Variants in RANBP3L observed in about 807,000 individuals in gnomAD.
RANBP3L encodes the protein RAN binding protein 3 like, also known as ran-binding protein 3-like.
In RANBP3L, 56 loss-of-function variants were observed where a neutral mutation model predicts 67.2. That is an observed-to-expected ratio of 0.83 (90% CI 0.67 to 1.04). The LOEUF (loss-of-function observed/expected upper bound fraction) is 1.04. RANBP3L is among the 50% of genes least tolerant of loss of function. RANBP3L has a pLI of 0.00. For missense variants in RANBP3L, 496 were observed against 535.5 expected, an observed-to-expected ratio of 0.93 and a Z score of 0.73; for synonymous variants, 164 against 181.4, an observed-to-expected ratio of 0.90 and a Z score of 0.77.
chr5:36,251,915 A>G (rs1748623027), intron 12 of RANBP3L, among the ~76,000 whole-genome samples: 1 of 152,110 alleles, frequency 6.6e-6, no homozygotes, highest in Non-Finnish European at 1.5e-5. Flanking sequence ...GGATATGCTG[A>G]GCTCATTAGA....
chr5:36,249,674 G>T lies in RANBP3L; in HGVS notation c.1378C>A (p.Gln460Lys). ...GSDPSSWTHRQSVACS is the reference protein window; with the variant it reads ...GSDPSSWTHRKSVACS ...AGTATTCATGAACAGGCAACCGACT[G>T]TCTGTGAGTCCAACTAGAAGGATCT... Residue 460 changes from glutamine (Q) to lysine (K), a missense_variant, in exon 14 of 14, where the codon CAG (glutamine) becomes AAG (lysine). Transcript: ENST00000296604. 6.4e-7 allele frequency: 1 copy of T among 1,557,320 alleles called. No individual in the cohort carries two copies. The highest frequency in any genetic ancestry group is 8.8e-7 in the Non-Finnish European group (1 of 1,139,470).
In RANBP3L at chr5:36,301,461, C is replaced by T; in HGVS notation, c.-45G>A. ...TGACTCAAGGATCACTAGGGCACCT[C>T]CTTCTCTGGCCAGTCACCTAAAGTG... On this transcript the variant is annotated 5_prime_UTR_variant, in exon 1 of 14. Transcript: ENST00000296604. 1 of 1,454,302 alleles carries T rather than the reference C, an allele frequency of 6.9e-7. No individual in the cohort carries two copies. The highest frequency in any genetic ancestry group is 9.6e-7 in the Non-Finnish European group (1 of 1,039,910). The allele number at this position is 1,454,302 out of a possible 1,614,324, so 90.1% of individuals were successfully genotyped here.
intron 6 of RANBP3L, among the ~76,000 whole-genome samples, chr5:36,262,519 T>A (rs914925551): frequency 6.6e-6 from 1 of 152,162 alleles, no homozygotes; most frequent in African/African-American, 2.4e-5. Flanking sequence ...TAGTAACTTA[T>A]CCAGTTACTT....
rs368622484 is a variant in RANBP3L, at chr5:36,297,788, T to C, written c.91+3538A>G. 4.4e-4 allele frequency among the ~76,000 whole-genome samples: 67 copies of C among 152,338 alleles called. 1 individual carries two copies. The highest frequency in any genetic ancestry group is 1.5e-3 in the African/African-American group (63 of 41,576). The stretch of plus-strand genomic sequence containing the variant: ...TGGACTGATAGAGCATTTGTTGTCA[T>C]AGTAAACTCCACGTGGACAGAAAAC... On this transcript the variant is annotated intron_variant, in intron 1 of 13. Transcript: ENST00000296604.
chr5:36,268,307 GT>G (rs1199359706), intron 4 of RANBP3L: 20 of 1,399,390 alleles, frequency 1.4e-5, no homozygotes, highest in Non-Finnish European at 1.9e-5. Context: ...AAGAAAGTGG[GT>G]TTTTTGTTTT....
At chr5:36,264,166 T>G (rs1484165039) in intron 6 of RANBP3L, among the ~76,000 whole-genome samples, 1 of 72,198 alleles carries the variant, frequency 1.4e-5, no homozygotes, top group African/African-American at 3.2e-5. Flanking sequence ...CAATCTGGTA[T>G]TTTTTTACAC....
chr5:36,271,251 A>T lies in RANBP3L; in HGVS notation c.150+2T>A. 19 of 1,494,448 alleles carry T rather than the reference A, an allele frequency of 1.3e-5. No individual in the cohort carries two copies. Among genetic ancestry groups the T allele is most frequent in the Non-Finnish European group, 1.8e-5 (19 of 1,072,824 alleles). The allele number at this position is 1,494,448 out of a possible 1,614,324, so 92.6% of individuals were successfully genotyped here. A position where few individuals can be genotyped will look rare whatever the true frequency, so the allele number is the denominator to read the frequency against. Reference sequence around the variant, plus strand: ...ATTGAACAAAGAAGTAGTCAATCTTACCTTAAAAGTTTGTTCTCCCTTTTC... The same window carrying T: ...ATTGAACAAAGAAGTAGTCAATCTTTCCTTAAAAGTTTGTTCTCCCTTTTC... On this transcript the variant is annotated splice_donor_variant, in intron 2 of 13. Coordinates refer to ENST00000296604, the MANE Select transcript of RANBP3L (RefSeq NM_145000.5). LOFTEE classifies it high-confidence loss of function.
chr5:36,278,535 A>G (rs1280797193), intron 1 of RANBP3L, among the ~76,000 whole-genome samples: 1 of 152,192 alleles, frequency 6.6e-6, no homozygotes, highest in African/African-American at 2.4e-5. Context: ...GGAAAATGGC[A>G]GTAAAGATTC....
chr5:36,277,926 A>T (rs1489605538), intron 1 of RANBP3L, among the ~76,000 whole-genome samples: 1 of 152,152 alleles, frequency 6.6e-6, no homozygotes, highest in African/African-American at 2.4e-5. Context: ...ACAAGAGAGA[A>T]TTGAGAGCCA....
At chr5:36,261,778 T>A (rs1243941403) in intron 7 of RANBP3L, among the ~76,000 whole-genome samples, 161 bp downstream of exon 7, 2 of 152,194 alleles carry the variant, frequency 1.3e-5, no homozygotes, top group Admixed American at 6.5e-5. Context: ...GAAATATTTT[T>A]AAAAACATTT....
In RANBP3L at chr5:36,265,497, T is replaced by A. The variant is rs763730697; in HGVS notation, c.292A>T (p.Thr98Ser). The A allele has an allele frequency of 4.4e-6, 7 of 1,603,912 alleles. No individual in the cohort carries two copies. In the East Asian group the frequency reaches 1.6e-4, roughly 36 times the overall value. ...QGVRKNNVFMTSALVQSSVDI... is the reference protein window; with the variant it reads ...QGVRKNNVFMSSALVQSSVDI... ...ACACTACTTTGCACAAGAGCTGATG[T>A]CATAAAAACATTGTTTTTCCTCACT... Residue 98 changes from threonine to serine, a missense_variant, in exon 5 of 14, where the codon ACA becomes TCA. Physicochemically the swap from Thr to Ser is moderately conservative, Grantham distance 58. Transcript: ENST00000296604.
At chr5:36,254,661 C>CT (rs1446247391) in intron 11 of RANBP3L, among the ~76,000 whole-genome samples, 1 of 151,958 alleles carries the variant, frequency 6.6e-6, no homozygotes, top group Non-Finnish European at 1.5e-5. Context: ...AATTATATCT[C>CT]TTAACCATTT....
At chr5:36,299,037 T>C (rs1752430855) in intron 1 of RANBP3L, among the ~76,000 whole-genome samples, 1 of 152,026 alleles carries the variant, frequency 6.6e-6, no homozygotes, top group Admixed American at 6.6e-5. Context: ...CCACCCTTAA[T>C]CTAGTGGGCA....
intron 1 of RANBP3L, among the ~76,000 whole-genome samples, chr5:36,297,607 T>C (rs1270908327): frequency 6.6e-6 from 1 of 152,224 alleles, no homozygotes; most frequent in Non-Finnish European, 1.5e-5. Flanking sequence ...GTACATGTAA[T>C]GTGTAATGAG....
intron 6 of RANBP3L, 102 bp from the exon 7 acceptor site, chr5:36,262,144 C>A: frequency 1.6e-6 from 1 of 641,516 alleles, no homozygotes; most frequent in Non-Finnish European, 2.7e-6. Flanking sequence ...TGAAAGCTTA[C>A]TATGTTTAAG....
chr5:36,278,560 T>C (rs1458107227), intron 1 of RANBP3L, among the ~76,000 whole-genome samples: 2 of 152,174 alleles, frequency 1.3e-5, no homozygotes, highest in South Asian at 2.1e-4. Flanking sequence ...ACTACTCTAG[T>C]AGTCACTAGT....
intron 1 of RANBP3L, among the ~76,000 whole-genome samples, chr5:36,273,081 C>T (rs998419973): frequency 1.3e-5 from 2 of 152,178 alleles, no homozygotes; most frequent in East Asian, 3.9e-4. Context: ...TTTCTCAAGA[C>T]AAGCTCCTTT....
intron 11 of RANBP3L, among the ~76,000 whole-genome samples, chr5:36,254,905 C>G (rs1748861308): frequency 6.6e-6 from 1 of 152,086 alleles, no homozygotes; most frequent in Admixed American, 6.6e-5. Context: ...TTCTGAACAT[C>G]ACTGTGCCTG....
chr5:36,258,684 G>C (rs904203409), intron 8 of RANBP3L, among the ~76,000 whole-genome samples: 5 of 152,220 alleles, frequency 3.3e-5, no homozygotes, highest in Non-Finnish European at 7.3e-5. Flanking sequence ...CAGGAAATGT[G>C]CACAAGTGCC....
Sources: gnomAD v4.1 joint callset for allele counts (sites outside exome capture counted in the v4.1 genomes callset) on GRCh38, gnomAD v4.1.1 for gene constraint, MANE v1.5 for transcripts, NCBI Gene and HGNC (gene_info 2026-07-23, HGNC 2026-07-21) for gene names.